STXBP3: variants seen among roughly 807,000 people sequenced by gnomAD.
The protein encoded by STXBP3 is syntaxin binding protein 3.
Under a neutral mutation model 85.7 loss-of-function variants are expected in STXBP3, and 41 were observed. The observed-to-expected ratio is 0.48, with a 90% CI of 0.37 to 0.62. The LOEUF is 0.62. STXBP3 is among the 20% of genes least tolerant of loss of function. STXBP3 has a pLI of 0.00. For synonymous variants in STXBP3, 229 were observed against 231.7 expected (o/e 0.99, Z 0.10); for missense variants, 563 against 703.1 (o/e 0.80, Z 2.25).
At chr1:108,808,383 A>G (rs1663387022) in intron 18 of STXBP3, among the ~76,000 whole-genome samples, 1 of 152,206 alleles carries the variant, frequency 6.6e-6, no homozygotes, top group African/African-American at 2.4e-5. Flanking sequence ...AGTCAAAGCC[A>G]ATGATAGGTA....
At chr1:108,772,937 AC>A in intron 7 of STXBP3, 118 bp downstream of exon 7, 1 of 943,194 alleles carries the variant, frequency 1.1e-6, no homozygotes, top group South Asian at 3.3e-5. Flanking sequence ...TTGTATGATT[AC>A]CATGCTCTAC....
At chr1:108,769,800 T>C (rs866596304) in intron 6 of STXBP3, among the ~76,000 whole-genome samples, 2 of 152,326 alleles carry the variant, frequency 1.3e-5, no homozygotes, top group Middle Eastern at 3.4e-3. Flanking sequence ...CAGATCTCAG[T>C]GCATTACTAC....
intron 4 of STXBP3, 148 bp downstream of exon 4, chr1:108,756,914 TAGA>T (rs1662034454): frequency 6.7e-6 from 3 of 450,234 alleles, no homozygotes. Context: ...TTTTCTGTGT[TAGA>T]AGATTATTTG....
intron 6 of STXBP3, among the ~76,000 whole-genome samples, chr1:108,763,751 T>G (rs895803762): frequency 1.1e-4 from 2 of 18,650 alleles, no homozygotes; most frequent in Non-Finnish European, 3.8e-4. Context: ...AATTTTGTAT[T>G]TTTTTTTTTT....
intron 6 of STXBP3, among the ~76,000 whole-genome samples, chr1:108,762,086 G>A (rs1662151897): frequency 6.6e-6 from 1 of 152,176 alleles, no homozygotes; most frequent in Non-Finnish European, 1.5e-5. Flanking sequence ...ATACTACTAG[G>A]TGCTTTGAGC....
At chr1:108,765,068 A>C (rs1205656096) in intron 6 of STXBP3, among the ~76,000 whole-genome samples, 1 of 152,088 alleles carries the variant, frequency 6.6e-6, no homozygotes, top group Non-Finnish European at 1.5e-5. Flanking sequence ...TGGTGTATGG[A>C]AGGGGTCCAG....
At position 108,746,763 on chromosome 1, in the gene STXBP3, G is replaced by T. The variant is rs1228046233; in HGVS notation, c.26G>T (p.Gly9Val). 1.9e-6 allele frequency: 3 copies of T among 1,550,356 alleles called. No homozygotes were observed. The highest frequency in any genetic ancestry group is 2.6e-6 in the Non-Finnish European group (3 of 1,146,532). The change falls in exon 1 of 19, where the codon GGG becomes GTG. Residue 9 changes from glycine to valine, a missense_variant. This residue lies in a region of STXBP3 where 37 missense variants were observed against 39.7 expected (regional missense o/e 0.93). Coordinates refer to ENST00000370008, the MANE Select transcript of STXBP3 (RefSeq NM_007269.4). Reference sequence around the variant, plus strand: ...ATGGCGCCGCCGGTGGCAGAGAGGGGGCTAAAGAGCGTCGTGTGGCAGAGT... The same window carrying T: ...ATGGCGCCGCCGGTGGCAGAGAGGGTGCTAAAGAGCGTCGTGTGGCAGAGT... MAPPVAER[G>V]LKSVVWQKIK...
intron 7 of STXBP3, among the ~76,000 whole-genome samples, chr1:108,775,518 A>T (rs1358975307): frequency 6.6e-6 from 1 of 151,772 alleles, no homozygotes; most frequent in East Asian, 1.9e-4. Context: ...TTCTACCTAT[A>T]TTTTTGTACC....
intron 16 of STXBP3, among the ~76,000 whole-genome samples, chr1:108,799,994 C>G (rs1663199378): frequency 6.6e-6 from 1 of 151,944 alleles, no homozygotes; most frequent in African/African-American, 2.4e-5. Flanking sequence ...TGGGGACCCT[C>G]CAAATGAAGA....
At chr1:108,749,997 T>TTA (rs1661867984) in intron 1 of STXBP3, among the ~76,000 whole-genome samples, 1 of 152,188 alleles carries the variant, frequency 6.6e-6, no homozygotes. Context: ...ACAGGATATC[T>TTA]CAGTTCAGAC....
At chr1:108,761,031 G>A (rs1662129018) in intron 6 of STXBP3, among the ~76,000 whole-genome samples, 1 of 152,020 alleles carries the variant, frequency 6.6e-6, no homozygotes, top group Non-Finnish European at 1.5e-5. Context: ...AGCCTCCCAA[G>A]TAGTTGAGAT....
chr1:108,768,179 G>C (rs1341977784), intron 6 of STXBP3, among the ~76,000 whole-genome samples: 1 of 152,158 alleles, frequency 6.6e-6, no homozygotes, highest in African/African-American at 2.4e-5. Flanking sequence ...CTATTTATGG[G>C]ATACAATTTG....
chr1:108,776,540 T>G (rs1263069253), intron 8 of STXBP3, 117 bp downstream of exon 8: 2 of 621,878 alleles, frequency 3.2e-6, no homozygotes, highest in South Asian at 4.8e-5. Flanking sequence ...AACATAGATC[T>G]CCAATACTGA....
At chr1:108,755,881 A>G (rs557217111) in intron 3 of STXBP3, among the ~76,000 whole-genome samples, 1 of 152,324 alleles carries the variant, frequency 6.6e-6, no homozygotes, top group Non-Finnish European at 1.5e-5. Flanking sequence ...TTACTAATAT[A>G]CATTTAGGAA....
intron 3 of STXBP3, among the ~76,000 whole-genome samples, chr1:108,755,634 T>C (rs1618066): frequency 0.7 from 107,002 of 151,834 alleles, 38,694 homozygotes; most frequent in Non-Finnish European, 0.77. Flanking sequence ...TAAATCATAT[T>C]TATCACAGTA....
intron 11 of STXBP3, among the ~76,000 whole-genome samples, chr1:108,788,836 C>T (rs148329369): frequency 0.015 from 2,220 of 152,052 alleles, 31 homozygotes; most frequent in Non-Finnish European, 0.024. Flanking sequence ...CCAAGGCAGA[C>T]GGATCACCTG....
intron 3 of STXBP3, among the ~76,000 whole-genome samples, chr1:108,756,287 T>C (rs1662015842): frequency 6.6e-6 from 1 of 152,006 alleles, no homozygotes; most frequent in Non-Finnish European, 1.5e-5. Context: ...GGCTCTGGAG[T>C]CACATCTGGG....
At chr1:108,796,810 G>T in intron 15 of STXBP3, 84 bp downstream of exon 15, 1 of 920,826 alleles carries the variant, frequency 1.1e-6, no homozygotes, top group East Asian at 3.0e-5. Context: ...TTTTTATGTG[G>T]ACAGTCTTCT....
chr1:108,762,309 ACT>A (rs1185787570), intron 6 of STXBP3, among the ~76,000 whole-genome samples: 1 of 152,062 alleles, frequency 6.6e-6, no homozygotes, highest in Non-Finnish European at 1.5e-5. Flanking sequence ...TTAAAAGAAA[ACT>A]CTGGACTTTC....
Sources: gnomAD v4.1 joint callset for allele counts (sites outside exome capture counted in the v4.1 genomes callset) on GRCh38, gnomAD v4.1.1 for gene constraint, gnomAD v4.1.1 regional missense constraint, MANE v1.5 for transcripts, NCBI Gene and HGNC (gene_info 2026-07-23, HGNC 2026-07-21) for gene names.